ARHGAP28: variants seen among roughly 807,000 people sequenced by gnomAD.
ARHGAP28 encodes Rho GTPase activating protein 28, also known as rho GTPase-activating protein 28.
A neutral mutation model predicts 90.7 loss-of-function variants in ARHGAP28; 56 were observed. The observed-to-expected ratio is 0.62, with a 90% CI of 0.50 to 0.77. The LOEUF (loss-of-function observed/expected upper bound fraction) is 0.77, where lower values mean the gene tolerates loss of function less well. Among genes scored for constraint, ARHGAP28 ranks in the 30% least tolerant of loss-of-function variants. ARHGAP28 has a pLI of 0.00. For missense variants in ARHGAP28, 869 were observed against 900.9 expected (o/e 0.96, Z 0.45); for synonymous variants, 308 against 323.3 (o/e 0.95, Z 0.51).
At chr18:6,762,733 T>C (rs1211965250) in intron 1 of ARHGAP28, among the ~76,000 whole-genome samples, 1 of 151,974 alleles carries the variant, frequency 6.6e-6, no homozygotes, top group Non-Finnish European at 1.5e-5. Context: ...TAAGTGAGAA[T>C]GCAGGGAGAA....
chr18:6,762,498 C>T (rs748315629), intron 1 of ARHGAP28, among the ~76,000 whole-genome samples: 21 of 152,174 alleles, frequency 1.4e-4, no homozygotes, highest in Non-Finnish European at 2.4e-4. Context: ...AATTCACGCA[C>T]GATATTCCTT....
chr18:6,885,934 G>T (rs976614628), intron 11 of ARHGAP28, among the ~76,000 whole-genome samples: 5 of 151,884 alleles, frequency 3.3e-5, no homozygotes, highest in Admixed American at 3.3e-4. Flanking sequence ...CTATTATTCA[G>T]GCAAGCTCAC....
chr18:6,769,841 C>T (rs1229380536), intron 1 of ARHGAP28, among the ~76,000 whole-genome samples: 1 of 152,228 alleles, frequency 6.6e-6, no homozygotes, highest in Non-Finnish European at 1.5e-5. Flanking sequence ...TTTATCAGGG[C>T]CCTTGCCCAC....
chr18:6,815,895 ATG>A (rs2056587065), intron 1 of ARHGAP28, among the ~76,000 whole-genome samples: 1 of 149,878 alleles, frequency 6.7e-6, no homozygotes, highest in African/African-American at 2.5e-5. Flanking sequence ...TTAATTACTG[ATG>A]TGTCATTGTT....
intron 1 of ARHGAP28, among the ~76,000 whole-genome samples, chr18:6,757,481 G>A (rs76119690): frequency 4.1e-4 from 62 of 152,232 alleles, no homozygotes; most frequent in Non-Finnish European, 7.2e-4. Context: ...GGAACATACC[G>A]ACGATTAATA....
At chr18:6,792,752 G>GC (rs2056415342) in intron 1 of ARHGAP28, among the ~76,000 whole-genome samples, 1 of 152,150 alleles carries the variant, frequency 6.6e-6, no homozygotes. Context: ...TCTCCCTCCC[G>GC]CCAGCTGATA....
At chr18:6,758,478 T>C (rs117270612) in intron 1 of ARHGAP28, among the ~76,000 whole-genome samples, 1 of 152,114 alleles carries the variant, frequency 6.6e-6, no homozygotes, top group Non-Finnish European at 1.5e-5. Flanking sequence ...CACGCACCAC[T>C]AAGCCTGGCT....
chr18:6,873,478 A>G lies in ARHGAP28; in HGVS notation c.1024A>G (p.Lys342Glu). The G allele has an allele frequency of 6.2e-7, 1 of 1,614,140 alleles. No individual in the cohort carries two copies. Among genetic ancestry groups the G allele is most frequent in the South Asian group, 1.1e-5 (1 of 91,066 alleles). The change falls in exon 8 of 18, where the codon AAA becomes GAA. Residue 342 changes from lysine (K) to glutamate (E), a missense_variant. By Grantham distance (56) the Lys-to-Glu change is moderately conservative. Coordinates refer to ENST00000383472, the MANE Select transcript of ARHGAP28 (RefSeq NM_001366230.1). ...AGDLSAEDMK[K>E]IRHLSLIELT... ...AGATCTGTCTGCTGAAGACATGAAG[A>G]AAATCCGCCATCTCTCTCTGATTGA...
intron 3 of ARHGAP28, among the ~76,000 whole-genome samples, chr18:6,839,583 C>A (rs568708867): frequency 6.6e-5 from 10 of 152,288 alleles, no homozygotes; most frequent in South Asian, 2.1e-4. Flanking sequence ...AGGCGTGAGC[C>A]ACTGCGCCCG....
chr18:6,812,224 G>GAGCT (rs1476577466), intron 1 of ARHGAP28, among the ~76,000 whole-genome samples: 2 of 152,118 alleles, frequency 1.3e-5, no homozygotes, highest in Non-Finnish European at 2.9e-5. Flanking sequence ...TTTAAAGAGG[G>GAGCT]AGCTTTAGAA....
chr18:6,751,847 C>T (rs1057116322), intron 1 of ARHGAP28, among the ~76,000 whole-genome samples: 2 of 152,064 alleles, frequency 1.3e-5, no homozygotes, highest in Non-Finnish European at 2.9e-5. Flanking sequence ...GATTTTCTGT[C>T]CTTGAAATTT....
intron 1 of ARHGAP28, among the ~76,000 whole-genome samples, chr18:6,778,134 T>A (rs1452916887): frequency 6.6e-6 from 1 of 152,154 alleles, no homozygotes; most frequent in East Asian, 1.9e-4. Context: ...ATTGGTGTAG[T>A]CTGGAGATGT....
At chr18:6,832,079 C>T (rs1307984786) in intron 2 of ARHGAP28, among the ~76,000 whole-genome samples, 1 of 151,912 alleles carries the variant, frequency 6.6e-6, no homozygotes, top group Non-Finnish European at 1.5e-5. Flanking sequence ...AATTTTAAAT[C>T]TTTCATCTTT....
intron 6 of ARHGAP28, 45 bp downstream of exon 6, chr18:6,868,279 T>A (rs756205326): frequency 1.9e-6 from 3 of 1,547,476 alleles, no homozygotes; most frequent in Admixed American, 3.4e-5. Context: ...GTCTTCTCGC[T>A]TTTGTTCTGG....
rs577538209 is a variant in ARHGAP28 at position 6,771,742 on chromosome 18, C to T, written c.122+41799C>T. ...TCTGATCCTTGAGACTATCCTGTTG[C>T]CTAGTACGTTTTTATGTTAAACATT... On this transcript the variant is annotated intron_variant, in intron 1 of 17. Coordinates refer to ENST00000383472, the MANE Select transcript of ARHGAP28 (RefSeq NM_001366230.1). Among the ~76,000 whole-genome samples the T allele has an allele frequency of 2.0e-5, 3 of 152,268 alleles. No individual in the cohort carries two copies. In the South Asian group the frequency reaches 6.2e-4, roughly 32 times the overall value.
At chr18:6,814,748 T>C (rs950122353) in intron 1 of ARHGAP28, among the ~76,000 whole-genome samples, 2 of 152,202 alleles carry the variant, frequency 1.3e-5, no homozygotes, top group Non-Finnish European at 2.9e-5. Context: ...CAATTTGGCA[T>C]TAAGCAATAG....
chr18:6,740,923 C>T (rs2055971413), intron 1 of ARHGAP28, among the ~76,000 whole-genome samples: 1 of 152,144 alleles, frequency 6.6e-6, no homozygotes, highest in Admixed American at 6.5e-5. Context: ...TTCACTCAGG[C>T]CCACAATGTG....
In ARHGAP28 at chr18:6,912,258, T is replaced by C; in HGVS notation, c.*104T>C. On this transcript the variant is annotated 3_prime_UTR_variant, in exon 18 of 18. Coordinates refer to ENST00000383472, the MANE Select transcript of ARHGAP28 (RefSeq NM_001366230.1). ...GTTTGACGTATTTGTTCCTACAGCA[T>C]TCTCAGTATTTCTGGCCCTCAGCAG... The C allele has an allele frequency of 1.7e-6, 1 of 585,746 alleles. No homozygotes were observed. The highest frequency in any genetic ancestry group is 2.9e-6 in the Non-Finnish European group (1 of 348,530). 36.3% of individuals were successfully genotyped at this position (585,746 alleles called of 1,614,324 possible).
chr18:6,846,579 C>T (rs970459919), intron 3 of ARHGAP28, among the ~76,000 whole-genome samples: 4 of 151,798 alleles, frequency 2.6e-5, no homozygotes, highest in African/African-American at 7.3e-5. Context: ...TATATTTTTC[C>T]GAAGTGTGCT....
Sources: gnomAD v4.1 joint callset for allele counts (sites outside exome capture counted in the v4.1 genomes callset) on GRCh38, gnomAD v4.1.1 for gene constraint, MANE v1.5 for transcripts, NCBI Gene and HGNC (gene_info 2026-07-23, HGNC 2026-07-21) for gene names.